TIMP3: variants seen among roughly 807,000 people sequenced by gnomAD.
TIMP3 encodes the protein TIMP metallopeptidase inhibitor 3.
In TIMP3, 11 loss-of-function variants were observed where a neutral mutation model predicts 30.0. That is an observed-to-expected ratio of 0.37 (90% CI 0.23 to 0.61). The LOEUF is 0.61. Ranked by LOEUF, TIMP3 falls within the 20% of genes least tolerant of loss-of-function variation. The pLI, the probability that TIMP3 is intolerant of heterozygous loss-of-function variation, is 0.70. For synonymous variants in TIMP3, 112 were observed against 111.3 expected (o/e 1.01, Z -0.04); for missense variants, 181 against 276.8 (o/e 0.65, Z 2.45).
chr22:32,839,702 T>C (rs1239167023), intron 1 of TIMP3, among the ~76,000 whole-genome samples: 3 of 152,176 alleles, frequency 2.0e-5, no homozygotes, highest in Non-Finnish European at 4.4e-5. Flanking sequence ...GGCATATACC[T>C]AGAAGGAGCG....
chr22:32,816,207 G>C (rs2047084283), intron 1 of TIMP3, among the ~76,000 whole-genome samples: 1 of 149,202 alleles, frequency 6.7e-6, no homozygotes, highest in Non-Finnish European at 1.5e-5. Context: ...CTAATTGCAG[G>C]GGCGGGGGTA....
At position 32,802,070 on chromosome 22, in the gene TIMP3, G is replaced by A. The variant is rs772384489; in HGVS notation, c.69G>A (p.Ala23=). 1.3e-6 allele frequency: 2 copies of A among 1,577,914 alleles called. No homozygotes were observed. Among genetic ancestry groups the A allele is most frequent in the Non-Finnish European group, 1.7e-6 (2 of 1,166,782 alleles). Residue 23 remains alanine (A), a synonymous_variant, in exon 1 of 5, where the codon GCG becomes GCA. Coordinates refer to ENST00000266085, the MANE Select transcript of TIMP3 (RefSeq NM_000362.5). ...SWSLGDWGAE[A]CTCSPSHPQD... ...GCCTGGGGGACTGGGGCGCCGAGGCGTGCACATGCTCGCCCAGCCACCCCC... is the reference window on the plus strand; with the variant it reads ...GCCTGGGGGACTGGGGCGCCGAGGCATGCACATGCTCGCCCAGCCACCCCC...
In TIMP3 at chr22:32,833,667, T is replaced by A. The variant is rs570521856; in HGVS notation, c.122-15785T>A. ...GGACCCAGAGATGAGAAGTAGGGGC[T>A]CCCAATTCAGGCTGCCTGGACTGGC... On this transcript the variant is annotated intron_variant, in intron 1 of 4. Transcript: ENST00000266085. Among the ~76,000 whole-genome samples, 19 of 152,300 alleles carry A rather than the reference T, an allele frequency of 1.2e-4. No homozygotes were observed. The East Asian group carries it at 2.7e-3, about 22-fold the overall frequency.
chr22:32,845,782 T>C (rs242069), intron 1 of TIMP3, among the ~76,000 whole-genome samples: 49,112 of 152,086 alleles, frequency 0.32, 8,520 homozygotes, highest in East Asian at 0.54. Context: ...ATGCTGCCAG[T>C]TACCAGTTTG....
chr22:32,845,149 C>T (rs1183991361), intron 1 of TIMP3, among the ~76,000 whole-genome samples: 1 of 151,522 alleles, frequency 6.6e-6, no homozygotes, highest in Non-Finnish European at 1.5e-5. Flanking sequence ...AGCCTCACCT[C>T]TCCCTTCTCT....
At chr22:32,849,683 C>G (rs548985409) in intron 2 of TIMP3, 149 bp downstream of exon 2, 1 of 766,212 alleles carries the variant, frequency 1.3e-6, no homozygotes, top group Admixed American at 2.0e-5. Context: ...GAGGGAGCTG[C>G]TAAGGCTGCA....
chr22:32,841,590 G>T (rs996305965), intron 1 of TIMP3, among the ~76,000 whole-genome samples: 1 of 151,962 alleles, frequency 6.6e-6, no homozygotes. Flanking sequence ...GTTTTATTAG[G>T]CTTGCAGGTA....
At chr22:32,836,315 T>C (rs1298301096) in intron 1 of TIMP3, among the ~76,000 whole-genome samples, 1 of 152,220 alleles carries the variant, frequency 6.6e-6, no homozygotes. Flanking sequence ...GGCACCATGA[T>C]TGCACAGACA....
At position 32,811,124 on chromosome 22, in the gene TIMP3, G is replaced by A. The variant is rs1006022965; in HGVS notation, c.121+9002G>A. ...AAAGGGCACTGGGTTAGGAGGTAAG[G>A]CTTGGTTATGTTAGGATCCCAGAAC... On this transcript the variant is annotated intron_variant, in intron 1 of 4. Coordinates refer to ENST00000266085, the MANE Select transcript of TIMP3 (RefSeq NM_000362.5). 2.6e-5 allele frequency among the ~76,000 whole-genome samples: 4 copies of A among 152,200 alleles called. No individual in the cohort carries two copies. The East Asian group carries it at 5.8e-4, about 22-fold the overall frequency.
At chr22:32,807,591 T>C (rs1160900594) in intron 1 of TIMP3, among the ~76,000 whole-genome samples, 1 of 149,976 alleles carries the variant, frequency 6.7e-6, no homozygotes, top group Non-Finnish European at 1.5e-5. Context: ...TATTGTCATC[T>C]CCATTTTACA....
chr22:32,845,022 C>T (rs1248930783), intron 1 of TIMP3, among the ~76,000 whole-genome samples: 1 of 152,172 alleles, frequency 6.6e-6, no homozygotes, highest in Non-Finnish European at 1.5e-5. Context: ...TGCCACCACA[C>T]CCAGCCTCTT....
At chr22:32,828,942 A>G (rs2047492286) in intron 1 of TIMP3, among the ~76,000 whole-genome samples, 1 of 152,100 alleles carries the variant, frequency 6.6e-6, no homozygotes, top group Non-Finnish European at 1.5e-5. Context: ...GGGAAAGACA[A>G]AAAACAAGGA....
At chr22:32,857,961 C>T (rs1202741515) in intron 3 of TIMP3, 56 bp from the exon 4 acceptor site, 40 of 1,613,636 alleles carry the variant, frequency 2.5e-5, no homozygotes, top group Admixed American at 2.2e-4. Flanking sequence ...TGAATTCTCT[C>T]TGGGCTAGGC....
chr22:32,839,563 A>G (rs576718825), intron 1 of TIMP3, among the ~76,000 whole-genome samples: 138 of 152,260 alleles, frequency 9.1e-4, no homozygotes, highest in African/African-American at 3.3e-3. Flanking sequence ...CAGCCCTAGG[A>G]CTTTTGCCCT....
intron 1 of TIMP3, among the ~76,000 whole-genome samples, chr22:32,811,169 T>C (rs1281888422): frequency 2.6e-5 from 4 of 151,524 alleles, no homozygotes; most frequent in Non-Finnish European, 4.4e-5. Flanking sequence ...GGTAATAAAA[T>C]TTGGGGGCAG....
At chr22:32,825,484 C>A (rs1487572691) in intron 1 of TIMP3, among the ~76,000 whole-genome samples, 2 of 151,494 alleles carry the variant, frequency 1.3e-5, no homozygotes, top group Non-Finnish European at 2.9e-5. Flanking sequence ...CATGGTGAAA[C>A]CCCGTCTTTA....
intron 1 of TIMP3, among the ~76,000 whole-genome samples, chr22:32,809,097 T>G (rs922916315): frequency 1.5e-4 from 23 of 152,234 alleles, no homozygotes; most frequent in Non-Finnish European, 3.2e-4. Context: ...GTGCCCTTAC[T>G]ATGTGCCAGG....
intron 1 of TIMP3, among the ~76,000 whole-genome samples, chr22:32,832,781 G>A (rs901657782): frequency 1.3e-5 from 2 of 152,024 alleles, no homozygotes; most frequent in Non-Finnish European, 2.9e-5. Flanking sequence ...CAGCTGGAGT[G>A]CAGTGGCATG....
chr22:32,848,508 A>G (rs1300245336), intron 1 of TIMP3, among the ~76,000 whole-genome samples: 1 of 152,206 alleles, frequency 6.6e-6, no homozygotes, highest in Non-Finnish European at 1.5e-5. Context: ...TGAAATGTAC[A>G]TGGCACATAG....
Sources: gnomAD v4.1 joint callset for allele counts (sites outside exome capture counted in the v4.1 genomes callset) on GRCh38, gnomAD v4.1.1 for gene constraint, MANE v1.5 for transcripts, NCBI Gene and HGNC (gene_info 2026-07-23, HGNC 2026-07-21) for gene names.